Variants in LAT2 observed in about 807,000 individuals in gnomAD.
The protein encoded by LAT2 is linker for activation of T cells family member 2.
LAT2 carries 23 observed loss-of-function variants against 43.4 expected under a neutral mutation model. That is an observed-to-expected ratio of 0.53 (90% confidence interval 0.38 to 0.75). The LOEUF (loss-of-function observed/expected upper bound fraction) is 0.75. Ranked by LOEUF, LAT2 falls within the 30% of genes least tolerant of loss-of-function variation. The pLI is 0.00. For missense variants in LAT2, 284 were observed against 310.2 expected, an observed-to-expected ratio of 0.92 and a Z score of 0.64; for synonymous variants, 128 against 123.2, an observed-to-expected ratio of 1.04 and a Z score of -0.26.
intron 1 of LAT2, among the ~76,000 whole-genome samples, chr7:74,214,363 T>A (rs1389653536): frequency 5.1e-5 from 3 of 58,864 alleles, no homozygotes; most frequent in Non-Finnish European, 8.4e-5. Context: ...TATATATAAA[T>A]ATATATATAT....
chr7:74,214,791 ATTTTTT>A (rs59726565), intron 1 of LAT2, 25 bp from the exon 2 acceptor site: 1 of 79,348 alleles, frequency 1.3e-5, no homozygotes, highest in African/African-American at 6.3e-5. Flanking sequence ...ATATATATAT[ATTTTTT>A]TTTTTTTTTG....
rs566600069 is a variant in LAT2, at chr7:74,217,189, T to C, written c.134+325T>C. Among the ~76,000 whole-genome samples the C allele has an allele frequency of 9.9e-5, 15 of 152,224 alleles. 1 individual carries two copies. In the South Asian group the frequency reaches 3.1e-3, roughly 32 times the overall value. ...GTTCACACCTGTAATCCCAGCACTT[T>C]GGGAGGCCAAGGCAGGTGGATCACC... is the stretch of plus-strand genomic sequence containing the variant. On this transcript the variant is annotated intron_variant, in intron 4 of 13. Transcript: ENST00000460943.
At chr7:74,210,590 C>T (rs1275875686) in intron 1 of LAT2, among the ~76,000 whole-genome samples, 2 of 151,894 alleles carry the variant, frequency 1.3e-5, no homozygotes, top group African/African-American at 2.4e-5. Flanking sequence ...GCCCCTCCTG[C>T]ACCCGCCCGC....
At chr7:74,228,163 C>CT (rs1357922965) in intron 13 of LAT2, among the ~76,000 whole-genome samples, 1 of 54,820 alleles carries the variant, frequency 1.8e-5, no homozygotes, top group Non-Finnish European at 3.2e-5. Context: ...GCAACTACGT[C>CT]TTAAAAAAAA....
intron 1 of LAT2, among the ~76,000 whole-genome samples, chr7:74,210,448 G>T (rs1801691193): frequency 1.3e-5 from 2 of 152,180 alleles, no homozygotes; most frequent in Admixed American, 6.5e-5. Context: ...CCCTACACAG[G>T]TCAGGGGAAA....
chr7:74,220,807 C>A lies in LAT2; in HGVS notation c.332+73C>A, dbSNP rs1364824754. Reference sequence around the variant, plus strand: ...CCACCTCTCCCCCTGCCCCACCTCTCCCCCTGCCCCACCTGCCTGCCACAG... The same window carrying A: ...CCACCTCTCCCCCTGCCCCACCTCTACCCCTGCCCCACCTGCCTGCCACAG... On this transcript the variant is annotated intron_variant, in intron 9 of 13. Coordinates refer to ENST00000460943, the MANE Select transcript of LAT2 (RefSeq NM_032464.3). This position sits in a 1 kb window ranked among gnomAD's most constrained non-coding sequence, Gnocchi z 4.5. The A allele has an allele frequency of 3.7e-5, 48 of 1,312,444 alleles. No homozygotes were observed. In the African/African-American group the frequency reaches 6.0e-4, roughly 16 times the overall value. 81.3% of individuals were successfully genotyped at this position (1,312,444 alleles called of 1,614,324 possible).
At chr7:74,219,693 T>C (rs1554714747) in intron 4 of LAT2, 51 bp from the exon 5 acceptor site, 34 of 1,609,686 alleles carry the variant, frequency 2.1e-5, no homozygotes, top group South Asian at 5.5e-5. Context: ...CCCTGTGTTC[T>C]TGGGCTGTGG....
At chr7:74,223,505 C>G (rs991820507) in intron 10 of LAT2, among the ~76,000 whole-genome samples, 4 of 152,086 alleles carry the variant, frequency 2.6e-5, no homozygotes, top group African/African-American at 9.7e-5. Context: ...ACAAAGAAGA[C>G]AGAGGAGCTC....
intron 10 of LAT2, 23 bp from the exon 11 acceptor site, chr7:74,223,693 ACCCCCGTG>A (rs1554715620): frequency 6.2e-7 from 1 of 1,606,400 alleles, no homozygotes; most frequent in Admixed American, 1.7e-5. Context: ...GTCTGCCCAC[ACCCCCGTG>A]CCCACTCCTC....
chr7:74,221,764 C>A, intron 10 of LAT2, 72 bp downstream of exon 10: 2 of 1,338,168 alleles, frequency 1.5e-6, no homozygotes, highest in Non-Finnish European at 2.1e-6. Flanking sequence ...TACCTCCAGG[C>A]AGGAGAGGAG....
In LAT2 at chr7:74,220,633, T is replaced by A. The variant is rs530083531; in HGVS notation, c.301+14T>A. 3 of 1,613,850 alleles carry A rather than the reference T, an allele frequency of 1.9e-6. No individual in the cohort carries two copies. The South Asian group carries it at 3.3e-5, about 18-fold the overall frequency. On this transcript the variant is annotated intron_variant, in intron 8 of 13. Transcript: ENST00000460943. This position sits in a 1 kb window ranked among gnomAD's most constrained non-coding sequence, Gnocchi z 4.5. Reference sequence around the variant, plus strand: ...ACTTCAGCAAAGGTAGGTAGGCTCCTGGAGAAAGGGGGAGGCCATGGTGGG... The same window carrying A: ...ACTTCAGCAAAGGTAGGTAGGCTCCAGGAGAAAGGGGGAGGCCATGGTGGG...
intron 1 of LAT2, among the ~76,000 whole-genome samples, chr7:74,214,295 AATATATATATAAATATATATATGAAAAT>A (rs1801885172): frequency 1.6e-5 from 1 of 61,510 alleles, no homozygotes; most frequent in African/African-American, 7.5e-5. Context: ...TATATATGAA[AATATATATATAAATATATATATGAAAAT>A]ATATATATAA....
At chr7:74,219,006 G>T (rs1802148656) in intron 4 of LAT2, among the ~76,000 whole-genome samples, 2 of 118,858 alleles carry the variant, frequency 1.7e-5, no homozygotes, top group African/African-American at 6.3e-5. Context: ...TCTAGAGTGT[G>T]TGCTTTTTTT....
In LAT2 at chr7:74,220,623, G is replaced by A; in HGVS notation, c.301+4G>A. 3 of 1,614,054 alleles carry A rather than the reference G, an allele frequency of 1.9e-6. No individual in the cohort carries two copies. Among genetic ancestry groups the A allele is most frequent in the Non-Finnish European group, 2.5e-6 (3 of 1,179,962 alleles). On this transcript the variant is annotated splice_donor_region_variant and intron_variant, in intron 8 of 13. Transcript: ENST00000460943. This position sits in a 1 kb window ranked among gnomAD's most constrained non-coding sequence, Gnocchi z 4.5. ...AGGTACCAGAACTTCAGCAAAGGTAGGTAGGCTCCTGGAGAAAGGGGGAGG... is the reference window on the plus strand; with the variant it reads ...AGGTACCAGAACTTCAGCAAAGGTAAGTAGGCTCCTGGAGAAAGGGGGAGG...
At chr7:74,216,606 A>G (rs1285980916) in intron 3 of LAT2, among the ~76,000 whole-genome samples, 3 of 152,110 alleles carry the variant, frequency 2.0e-5, no homozygotes, top group African/African-American at 4.8e-5. Context: ...TGCTGACCTC[A>G]TGTGATCCTC....
chr7:74,221,521 G>T (rs1802278713), intron 9 of LAT2, 116 bp from the exon 10 acceptor site: 1 of 620,298 alleles, frequency 1.6e-6, no homozygotes. Flanking sequence ...AGACCCCCAT[G>T]GCCCCCAAGA....
intron 1 of LAT2, among the ~76,000 whole-genome samples, chr7:74,212,904 G>A (rs973099202): frequency 2.6e-5 from 4 of 152,196 alleles, no homozygotes; most frequent in Admixed American, 6.5e-5. Flanking sequence ...CTTTTGGGGA[G>A]AGGCCTGGTG....
At chr7:74,221,565 C>T (rs1802281169) in intron 9 of LAT2, 72 bp from the exon 10 acceptor site, 2 of 1,244,674 alleles carry the variant, frequency 1.6e-6, no homozygotes, top group African/African-American at 1.5e-5. Flanking sequence ...GGCCTCACCG[C>T]CCCCTTATGG....
chr7:74,219,203 A>T (rs1408621927), intron 4 of LAT2, among the ~76,000 whole-genome samples: 1 of 151,196 alleles, frequency 6.6e-6, no homozygotes, highest in Non-Finnish European at 1.5e-5. Context: ...CGCCCGGCTA[A>T]TTTTTTGTAT....
Sources: allele counts gnomAD v4.1 joint callset (sites outside exome capture counted in the v4.1 genomes callset), GRCh38; gene constraint gnomAD v4.1.1; non-coding constraint Gnocchi (gnomAD v3.1); transcripts MANE v1.5; gene names NCBI Gene and HGNC (gene_info 2026-07-23, HGNC 2026-07-21).